IBTK: variants seen among roughly 807,000 people sequenced by gnomAD.
The protein encoded by IBTK is BTK-binding protein.
In IBTK, 83 loss-of-function variants were observed where a neutral mutation model predicts 154.9. The observed-to-expected ratio is 0.54, with a 90% CI of 0.45 to 0.64. IBTK has a LOEUF of 0.64. Ranked by LOEUF, IBTK falls within the 30% of genes least tolerant of loss-of-function variation. The pLI, the probability that IBTK is intolerant of heterozygous loss-of-function variation, is 0.00. For missense variants in IBTK, 1,332 were observed against 1,584.6 expected (o/e 0.84, Z 2.71); for synonymous variants, 515 against 536.1 (o/e 0.96, Z 0.54).
intron 2 of IBTK, among the ~76,000 whole-genome samples, chr6:82,235,718 T>G (rs74820332): frequency 0.041 from 6,270 of 152,342 alleles, 234 homozygotes; most frequent in South Asian, 0.15. Context: ...GACAGTTAAT[T>G]GTTGATGACC....
chr6:82,231,448 CTTAAA>C lies in IBTK; in HGVS notation c.543+265_543+269del, dbSNP rs886150536. Among the ~76,000 whole-genome samples the C allele has an allele frequency of 5.3e-5, 8 of 152,272 alleles. No individual in the cohort carries two copies. The South Asian group carries it at 6.2e-4, about 12-fold the overall frequency. Reference sequence around the variant, plus strand: ...AGAAAATCAAGAGAAGCTTTACCCTCTTAAATTAAACTACTATCTGTATAACATTT... The same window carrying C: ...AGAAAATCAAGAGAAGCTTTACCCTCTTAAACTACTATCTGTATAACATTT... On this transcript the variant is annotated intron_variant, in intron 4 of 28. Coordinates refer to ENST00000306270, the MANE Select transcript of IBTK (RefSeq NM_015525.4).
intron 2 of IBTK, 73 bp downstream of exon 2, chr6:82,240,093 T>C (rs1359433876): frequency 5.4e-6 from 7 of 1,291,650 alleles, no homozygotes; most frequent in Non-Finnish European, 6.5e-6. Flanking sequence ...AAAAAGCATG[T>C]AGGATGTATG....
chr6:82,213,080 T>C (rs985328820), intron 12 of IBTK, among the ~76,000 whole-genome samples: 1 of 151,818 alleles, frequency 6.6e-6, no homozygotes, highest in African/African-American at 2.4e-5. Flanking sequence ...CAGGCTAGAG[T>C]GTGGTGGCAT....
Position 82,214,550 on chromosome 6 carries a change from C to G in IBTK, c.1881G>C (p.Met627Ile). 6.2e-7 allele frequency: 1 copy of G among 1,614,046 alleles called. No individual in the cohort carries two copies. The part of the protein sequence containing the change: ...LFVVEKVHPD[M>I]FEYLLQFIYT... ...ATATAAATTGTAAAAGGTATTCAAACATGTCAGGATGAACCTTCTCTACCA... is the reference window on the plus strand; with the variant it reads ...ATATAAATTGTAAAAGGTATTCAAAGATGTCAGGATGAACCTTCTCTACCA... Residue 627 changes from methionine (M) to isoleucine (I), a missense_variant, in exon 12 of 29, where the codon ATG (methionine) becomes ATC (isoleucine). Met to Ile is a conservative substitution (Grantham distance 10). Coordinates refer to ENST00000306270, the MANE Select transcript of IBTK (RefSeq NM_015525.4).
chr6:82,212,758 T>C lies in IBTK; in HGVS notation c.2240A>G (p.Asn747Ser). Residue 747 changes from asparagine (N) to serine (S), a missense_variant, in exon 13 of 29, where the codon AAT becomes AGT. Around this residue, in one of 3 missense-constraint regions of IBTK, gnomAD observed 1,134 missense variants for 1,274.7 expected, o/e 0.89. Coordinates refer to ENST00000306270, the MANE Select transcript of IBTK (RefSeq NM_015525.4). ...DGVRFENEKINVIAKNTGNKL... is the reference protein window; with the variant it reads ...DGVRFENEKISVIAKNTGNKL... ...ATTACCAGTGTTCTTGGCAATAACA[T>C]TAATTTTTTCATTTTCAAATCTGAC... 6.3e-7 allele frequency: 1 copy of C among 1,597,986 alleles called. No homozygotes were observed. Among genetic ancestry groups the C allele is most frequent in the Non-Finnish European group, 8.6e-7 (1 of 1,165,768 alleles).
rs777839080 is a variant in IBTK, at chr6:82,212,735, T to C, written c.2263A>G (p.Asn755Asp). The change falls in exon 13 of 29, where the codon AAT (asparagine) becomes GAT (aspartate). Residue 755 changes from asparagine to aspartate, a missense_variant. Asn to Asp is a conservative substitution (Grantham distance 23). Transcript: ENST00000306270. ...TTTTTCTGACTTAGCTTCAGTTTAT[T>C]ACCAGTGTTCTTGGCAATAACATTA... ...KINVIAKNTGNKLKLSQKKCS... is the reference protein window; with the variant it reads ...KINVIAKNTGDKLKLSQKKCS... 6 of 1,596,636 alleles carry C rather than the reference T, an allele frequency of 3.8e-6. No individual in the cohort carries two copies. Among genetic ancestry groups the C allele is most frequent in the Non-Finnish European group, 5.2e-6 (6 of 1,164,390 alleles).
intron 13 of IBTK, among the ~76,000 whole-genome samples, chr6:82,211,867 A>T (rs1769662272): frequency 6.6e-6 from 1 of 152,136 alleles, no homozygotes; most frequent in South Asian, 2.1e-4. Context: ...AAGTGATATC[A>T]TATTTAAGTC....
At chr6:82,186,237 C>T (rs1359097291) in intron 25 of IBTK, among the ~76,000 whole-genome samples, 1 of 152,146 alleles carries the variant, frequency 6.6e-6, no homozygotes, top group Non-Finnish European at 1.5e-5. Context: ...ATTAGACCAA[C>T]TAATAACCCT....
intron 1 of IBTK, 122 bp from the exon 2 acceptor site, chr6:82,240,965 ATTACT>A (rs1770925152): frequency 2.5e-6 from 1 of 395,704 alleles, no homozygotes; most frequent in African/African-American, 2.1e-5. Flanking sequence ...TTAGTGTTCC[ATTACT>A]GGAACACTAA....
intron 8 of IBTK, among the ~76,000 whole-genome samples, chr6:82,221,323 T>TA (rs1770095023): frequency 6.6e-6 from 1 of 151,984 alleles, no homozygotes. Flanking sequence ...GACTCTGTCT[T>TA]AAAAAAGTAA....
intron 5 of IBTK, 129 bp from the exon 6 acceptor site, chr6:82,225,776 G>A: frequency 1.5e-6 from 1 of 656,650 alleles, no homozygotes; most frequent in African/African-American, 1.9e-5. Flanking sequence ...TCTATCATAG[G>A]TAAATTCTAC....
In IBTK at chr6:82,223,509, G is replaced by A. The variant is rs540604023; in HGVS notation, c.1055C>T (p.Thr352Ile). 1 of 1,614,138 alleles carries A rather than the reference G, an allele frequency of 6.2e-7. No individual in the cohort carries two copies. The highest frequency in any genetic ancestry group is 2.2e-5 in the East Asian group (1 of 44,880). The change falls in exon 8 of 29, where the codon ACA becomes ATA. Residue 352 changes from threonine to isoleucine, a missense_variant. By Grantham distance (89) the Thr-to-Ile change is moderately conservative. Around this residue, in one of 3 missense-constraint regions of IBTK, gnomAD observed 1,134 missense variants for 1,274.7 expected, o/e 0.89. Coordinates refer to ENST00000306270, the MANE Select transcript of IBTK (RefSeq NM_015525.4). ...ATCTCCCCTTGTGGTAACACAGACT[G>A]TAGCTCCATCACTTGCAGCAACCAA... Reference protein sequence around the residue: ...LSLVAASDGATVCVTTRGDIY... With the variant: ...LSLVAASDGAIVCVTTRGDIY...
intron 4 of IBTK, among the ~76,000 whole-genome samples, chr6:82,228,963 C>T (rs561047714): frequency 2.6e-5 from 4 of 152,152 alleles, no homozygotes; most frequent in Admixed American, 6.6e-5. Context: ...CATGGATTTT[C>T]GCTTTTAATT....
intron 5 of IBTK, among the ~76,000 whole-genome samples, chr6:82,225,961 G>A (rs556897807): frequency 2.0e-5 from 3 of 152,024 alleles, no homozygotes; most frequent in East Asian, 1.9e-4. Flanking sequence ...AAGTATACAC[G>A]GGTACATTGA....
Position 82,171,572 on chromosome 6 carries a change from GA to G in IBTK, c.3931-17del. On this transcript the variant is annotated splice_polypyrimidine_tract_variant and intron_variant, in intron 28 of 28. Coordinates refer to ENST00000306270, the MANE Select transcript of IBTK (RefSeq NM_015525.4). ...GCTCCTCAATCTGAAAGGAGGAAGG[GA>G]AAGAAGACTCTTTACTCTTTTAATT... The G allele has an allele frequency of 1.9e-6, 3 of 1,569,056 alleles. No individual in the cohort carries two copies. Among genetic ancestry groups the G allele is most frequent in the Middle Eastern group, 1.7e-4 (1 of 5,916 alleles).
Position 82,171,249 on chromosome 6 carries a change from G to A in IBTK, c.*176C>T. On this transcript the variant is annotated 3_prime_UTR_variant, in exon 29 of 29. Transcript: ENST00000306270. ...ATAAAGTTACTAAAATCACAATTCT[G>A]AGAAATTTATTTTTAATCATACAAA... 2 of 423,478 alleles carry A rather than the reference G, an allele frequency of 4.7e-6. No homozygotes were observed. The highest frequency in any genetic ancestry group is 4.1e-6 in the Non-Finnish European group (1 of 245,718). The allele number at this position is 423,478 out of a possible 1,614,324, so 26.2% of individuals were successfully genotyped here.
At position 82,191,155 on chromosome 6, in the gene IBTK, T is replaced by A; in HGVS notation, c.3493A>T (p.Thr1165Ser). The change falls in exon 25 of 29, where the codon ACC (threonine) becomes TCC (serine). Residue 1165 changes from threonine to serine, a missense_variant. Thr to Ser is a moderately conservative substitution (Grantham distance 58). Transcript: ENST00000306270. ...QKQRKMIALT[T>S]KENNSGMNSM... ...TTCATTCCTGAATTGTTTTCCTTGGTAGTCAATGCAATCATTTTTCGTTGC... is the reference window on the plus strand; with the variant it reads ...TTCATTCCTGAATTGTTTTCCTTGGAAGTCAATGCAATCATTTTTCGTTGC... 2 of 1,609,658 alleles carry A rather than the reference T, an allele frequency of 1.2e-6. No individual in the cohort carries two copies. The highest frequency in any genetic ancestry group is 1.7e-6 in the Non-Finnish European group (2 of 1,177,834).
intron 26 of IBTK, chr6:82,174,753 T>C (rs1768049263): frequency 9.4e-6 from 3 of 318,932 alleles, no homozygotes; most frequent in Non-Finnish European, 1.8e-5. Context: ...AAAGCATATA[T>C]TAACTATTAT....
chr6:82,194,564 T>A lies in IBTK; in HGVS notation c.3253A>T (p.Ile1085Leu). The change falls in exon 23 of 29, where the codon ATA becomes TTA. Residue 1085 changes from isoleucine (I) to leucine (L), a missense_variant. Coordinates refer to ENST00000306270, the MANE Select transcript of IBTK (RefSeq NM_015525.4). ...GGCTGTGGAGCAGATATTTTAAGTA[T>A]TGGTGACTTTTCCCATGGTTTTAAA... ...EDLKPWEKSP[I>L]LKISAPQPIP... 6.2e-7 allele frequency: 1 copy of A among 1,612,064 alleles called. No homozygotes were observed. Among genetic ancestry groups the A allele is most frequent in the Non-Finnish European group, 8.5e-7 (1 of 1,178,814 alleles).
Sources: allele counts gnomAD v4.1 joint callset (sites outside exome capture counted in the v4.1 genomes callset), GRCh38; gene constraint gnomAD v4.1.1; regional missense constraint gnomAD v4.1.1; transcripts MANE v1.5; gene names NCBI Gene and HGNC (gene_info 2026-07-23, HGNC 2026-07-21).